The following EFCAB5 variants were observed in gnomAD, a reference collection of about 807,000 sequenced individuals.
EFCAB5 encodes the protein EF-hand calcium-binding domain-containing protein 5.
A neutral mutation model predicts 167.9 loss-of-function variants in EFCAB5; 131 were observed. The observed-to-expected ratio is 0.78, with a 90% CI of 0.68 to 0.90. The LOEUF is 0.90. EFCAB5 is among the 40% of genes least tolerant of loss of function. EFCAB5 has a pLI of 0.00. For synonymous variants in EFCAB5, 574 were observed against 602.8 expected (o/e 0.95, Z 0.70); for missense variants, 1,663 against 1,745.2 (o/e 0.95, Z 0.84).
chr17:30,062,318 T>C (rs192010937), intron 14 of EFCAB5, among the ~76,000 whole-genome samples: 1 of 152,204 alleles, frequency 6.6e-6, no homozygotes, highest in East Asian at 1.9e-4. Context: ...GATGGCCACA[T>C]AGAGAACAGA....
intron 3 of EFCAB5, 119 bp downstream of exon 3, chr17:29,943,768 G>T: frequency 1.4e-6 from 1 of 704,452 alleles, no homozygotes. Context: ...GAGGTCAGGA[G>T]TTCGAAACCA....
At chr17:29,944,617 G>GTTTTTT (rs1223652580) in intron 3 of EFCAB5, among the ~76,000 whole-genome samples, 2 of 139,460 alleles carry the variant, frequency 1.4e-5, no homozygotes, top group African/African-American at 2.7e-5. Context: ...GTTGTTTTCT[G>GTTTTTT]TTTTGTTTTG....
intron 14 of EFCAB5, among the ~76,000 whole-genome samples, chr17:30,062,329 A>G (rs138829643): frequency 5.3e-5 from 8 of 152,312 alleles, no homozygotes; most frequent in African/African-American, 1.9e-4. Context: ...AGAGAACAGA[A>G]GGCGATGCCA....
At chr17:30,069,019 A>C (rs1357654522) in intron 14 of EFCAB5, 2 of 1,406,110 alleles carry the variant, frequency 1.4e-6, no homozygotes, top group East Asian at 4.6e-5. Flanking sequence ...GAAGGAGCAC[A>C]GGACTGCTGT....
intron 14 of EFCAB5, among the ~76,000 whole-genome samples, chr17:30,060,153 C>G (rs2070386239): frequency 6.6e-6 from 1 of 152,102 alleles, no homozygotes; most frequent in Non-Finnish European, 1.5e-5. Context: ...CCTGGCTACT[C>G]TCACTATGTA....
At chr17:30,101,438 A>G (rs1397277417) in intron 22 of EFCAB5, among the ~76,000 whole-genome samples, 3 of 152,230 alleles carry the variant, frequency 2.0e-5, no homozygotes, top group African/African-American at 4.8e-5. Context: ...AGTTACCATC[A>G]GCTGAGATGG....
chr17:30,011,985 C>G (rs1302439401), intron 7 of EFCAB5, among the ~76,000 whole-genome samples: 1 of 151,946 alleles, frequency 6.6e-6, no homozygotes, highest in Non-Finnish European at 1.5e-5. Context: ...TAATCATAAC[C>G]TAGGAAAAAC....
At position 30,009,098 on chromosome 17, in the gene EFCAB5, G is replaced by A. The variant is rs186917527; in HGVS notation, c.1044+9122G>A. ...CCTTCTTAAAAGGATATATGTGATT[G>A]CATTTTAGGGTCTACCTAGATAATT... On this transcript the variant is annotated intron_variant, in intron 7 of 22. Coordinates refer to ENST00000394835, the MANE Select transcript of EFCAB5 (RefSeq NM_198529.4). 2.1e-3 allele frequency among the ~76,000 whole-genome samples: 326 copies of A among 152,246 alleles called. 1 individual carries two copies. The highest frequency in any genetic ancestry group is 7.7e-3 in the African/African-American group (321 of 41,548).
chr17:30,017,136 C>T (rs1341636534), intron 7 of EFCAB5, among the ~76,000 whole-genome samples: 1 of 151,886 alleles, frequency 6.6e-6, no homozygotes, highest in Non-Finnish European at 1.5e-5. Context: ...GTGATCATGC[C>T]ACTGCACTCC....
At chr17:29,950,352 C>T (rs1404116494) in intron 3 of EFCAB5, among the ~76,000 whole-genome samples, 1 of 151,202 alleles carries the variant, frequency 6.6e-6, no homozygotes, top group Non-Finnish European at 1.5e-5. Context: ...TCCTCCTCCC[C>T]ACCACCTCTC....
chr17:30,072,511 T>C (rs1402751006), intron 14 of EFCAB5, among the ~76,000 whole-genome samples: 1 of 152,208 alleles, frequency 6.6e-6, no homozygotes, highest in African/African-American at 2.4e-5. Context: ...TTCCTGATGC[T>C]ATTCCTTTGC....
At chr17:29,987,364 C>T (rs1020095118) in intron 4 of EFCAB5, among the ~76,000 whole-genome samples, 2 of 152,122 alleles carry the variant, frequency 1.3e-5, no homozygotes, top group Admixed American at 6.5e-5. Context: ...TTAGATGTCT[C>T]GATCGCACCC....
chr17:30,040,306 A>T (rs2069735528), intron 8 of EFCAB5, among the ~76,000 whole-genome samples: 2 of 152,184 alleles, frequency 1.3e-5, no homozygotes, highest in Non-Finnish European at 2.9e-5. Flanking sequence ...AAGGGGAAAA[A>T]TTTGGCGTTC....
intron 4 of EFCAB5, among the ~76,000 whole-genome samples, chr17:29,972,350 A>C (rs976252329): frequency 2.0e-5 from 3 of 151,840 alleles, no homozygotes; most frequent in African/African-American, 7.3e-5. Flanking sequence ...CGCCCGGCCC[A>C]GGCATTTTTT....
chr17:30,077,495 G>T (rs2070892201), intron 14 of EFCAB5, among the ~76,000 whole-genome samples: 1 of 152,074 alleles, frequency 6.6e-6, no homozygotes, highest in Admixed American at 6.5e-5. Context: ...TGGGAAGTGT[G>T]GGGAGGCAGG....
intron 10 of EFCAB5, among the ~76,000 whole-genome samples, chr17:30,054,932 G>A (rs959947596): frequency 2.6e-4 from 39 of 152,190 alleles, no homozygotes; most frequent in African/African-American, 8.4e-4. Flanking sequence ...GGCTTCAGTC[G>A]CAATAGTAAT....
intron 1 of EFCAB5, chr17:29,929,913 G>A (rs761586064): frequency 1.9e-6 from 3 of 1,576,252 alleles, no homozygotes; most frequent in African/African-American, 2.7e-5. Context: ...AGAAGCAAGC[G>A]GAGCGGCCGC....
At chr17:30,025,739 A>C (rs1416072747) in intron 7 of EFCAB5, among the ~76,000 whole-genome samples, 1 of 152,226 alleles carries the variant, frequency 6.6e-6, no homozygotes, top group African/African-American at 2.4e-5. Flanking sequence ...TTGTGGCACT[A>C]TTCACAATAC....
At chr17:29,998,888 A>G (rs547237182) in intron 6 of EFCAB5, among the ~76,000 whole-genome samples, 1 of 152,332 alleles carries the variant, frequency 6.6e-6, no homozygotes, top group Admixed American at 6.5e-5. Flanking sequence ...AAATTGTCAT[A>G]TCAAATGAAG....
Sources: allele counts gnomAD v4.1 joint callset (sites outside exome capture counted in the v4.1 genomes callset), GRCh38; gene constraint gnomAD v4.1.1; transcripts MANE v1.5; gene names NCBI Gene and HGNC (gene_info 2026-07-23, HGNC 2026-07-21).